The following PLXNC1 variants were observed in gnomAD, a reference collection of about 807,000 sequenced individuals.
PLXNC1 encodes plexin C1.
PLXNC1 carries 75 observed loss-of-function variants against 178.2 expected under a neutral mutation model. That is an observed-to-expected ratio of 0.42 (90% CI 0.35 to 0.51). The LOEUF is 0.51. PLXNC1 is among the 20% of genes least tolerant of loss of function. The probability of loss-of-function intolerance (pLI) is 0.02; values close to 1 mark genes in which losing one functional copy is unlikely to be tolerated. For missense variants in PLXNC1, 1,503 were observed against 1,984.4 expected, an observed-to-expected ratio of 0.76 and a Z score of 4.61; for synonymous variants, 790 against 779.9, an observed-to-expected ratio of 1.01 and a Z score of -0.22.
At chr12:94,219,113 C>T (rs1028399781) in intron 5 of PLXNC1, among the ~76,000 whole-genome samples, 1 of 152,064 alleles carries the variant, frequency 6.6e-6, no homozygotes, top group Non-Finnish European at 1.5e-5. Context: ...ATGAATAATG[C>T]TCAGGAAATG....
chr12:94,246,221 TG>T (rs1964526096), intron 12 of PLXNC1, among the ~76,000 whole-genome samples: 2 of 152,160 alleles, frequency 1.3e-5, no homozygotes, highest in African/African-American at 4.8e-5. Flanking sequence ...CAGCTGAGTT[TG>T]GAGAGGCAGG....
At chr12:94,303,716 CTT>C (rs1362536555) in intron 28 of PLXNC1, 38 bp from the exon 29 acceptor site, 1 of 618,548 alleles carries the variant, frequency 1.6e-6, no homozygotes, top group Non-Finnish European at 2.2e-6. Context: ...TTTTTTTACT[CTT>C]TTGGTGATGG....
intron 23 of PLXNC1, among the ~76,000 whole-genome samples, chr12:94,289,033 G>A (rs1966996947): frequency 6.6e-6 from 1 of 152,002 alleles, no homozygotes; most frequent in East Asian, 1.9e-4. Flanking sequence ...TTGTCAATAG[G>A]TGACCATTTT....
Position 94,258,515 on chromosome 12 carries a change from G to A in PLXNC1, c.3088-822G>A, listed in dbSNP as rs114574505. On this transcript the variant is annotated intron_variant, in intron 17 of 30. Transcript: ENST00000258526. ...TAGAGTCTCATTCTGTGGACTTAAA[G>A]TATTGCTTAACATACTTTTAAAGTT... Among the ~76,000 whole-genome samples, 201 of 152,312 alleles carry A rather than the reference G, an allele frequency of 1.3e-3. 1 individual carries two copies. Among genetic ancestry groups the A allele is most frequent in the African/African-American group, 4.6e-3 (192 of 41,564 alleles).
At chr12:94,225,497 C>CA (rs1203501643) in intron 7 of PLXNC1, among the ~76,000 whole-genome samples, 1 of 151,864 alleles carries the variant, frequency 6.6e-6, no homozygotes, top group African/African-American at 2.4e-5. Context: ...GAAAAAAATA[C>CA]AAAAATTGCT....
At chr12:94,248,145 C>T in intron 13 of PLXNC1, 39 bp downstream of exon 13, 1 of 1,590,198 alleles carries the variant, frequency 6.3e-7, no homozygotes, top group Non-Finnish European at 8.6e-7. Flanking sequence ...GTCACCCCGA[C>T]CCCTTGACTG....
chr12:94,184,854 C>A (rs190525358), intron 3 of PLXNC1, among the ~76,000 whole-genome samples: 1 of 152,150 alleles, frequency 6.6e-6, no homozygotes, highest in African/African-American at 2.4e-5. Context: ...CTTACTATAC[C>A]CCTCCTGGAA....
At chr12:94,193,849 A>T (rs1482301922) in intron 4 of PLXNC1, among the ~76,000 whole-genome samples, 1 of 152,196 alleles carries the variant, frequency 6.6e-6, no homozygotes, top group Non-Finnish European at 1.5e-5. Flanking sequence ...TTTGGGCTGC[A>T]TGGGAAACGC....
chr12:94,188,323 C>CT (rs141025919), intron 4 of PLXNC1, among the ~76,000 whole-genome samples: 63,379 of 127,672 alleles, frequency 0.5, 17,392 homozygotes, highest in East Asian at 0.88. Flanking sequence ...TCTTTTTGTC[C>CT]TTTTTTTTTT....
At chr12:94,290,625 C>A (rs1300692669) in intron 23 of PLXNC1, among the ~76,000 whole-genome samples, 1 of 152,244 alleles carries the variant, frequency 6.6e-6, no homozygotes, top group Non-Finnish European at 1.5e-5. Flanking sequence ...AGGGCTGGCT[C>A]TTGCTCTGTG....
At chr12:94,249,111 G>A (rs985531831) in intron 14 of PLXNC1, among the ~76,000 whole-genome samples, 3 of 152,100 alleles carry the variant, frequency 2.0e-5, no homozygotes, top group African/African-American at 7.2e-5. Flanking sequence ...AGACTGGAAG[G>A]CAACAACAAA....
chr12:94,179,117 C>T lies in PLXNC1; in HGVS notation c.1204-2329C>T, dbSNP rs139409943. Among the ~76,000 whole-genome samples, 32 of 152,270 alleles carry T rather than the reference C, an allele frequency of 2.1e-4. 1 individual carries two copies. The East Asian group carries it at 5.2e-3, about 25-fold the overall frequency. On this transcript the variant is annotated intron_variant, in intron 2 of 30. Transcript: ENST00000258526. ...AGGTCCTGGAAAGGAGAAGTGAATG[C>T]GGGAAGTTGCTCTGTGCAAAATTGA...
At chr12:94,269,346 T>G (rs1965437424) in intron 21 of PLXNC1, among the ~76,000 whole-genome samples, 1 of 152,210 alleles carries the variant, frequency 6.6e-6, no homozygotes, top group Non-Finnish European at 1.5e-5. Flanking sequence ...GCAGAAATAT[T>G]AATGCCTCCA....
chr12:94,264,188 C>T (rs1437663317), intron 20 of PLXNC1, among the ~76,000 whole-genome samples: 1 of 152,106 alleles, frequency 6.6e-6, no homozygotes, highest in Non-Finnish European at 1.5e-5. Flanking sequence ...GGCTAAGTGC[C>T]TTGGGAGGAT....
At chr12:94,176,062 A>G (rs1962038347) in intron 2 of PLXNC1, among the ~76,000 whole-genome samples, 1 of 152,236 alleles carries the variant, frequency 6.6e-6, no homozygotes, top group Admixed American at 6.5e-5. Context: ...TTAAGGTCGT[A>G]TCCTGGAAGA....
intron 1 of PLXNC1, among the ~76,000 whole-genome samples, chr12:94,163,872 A>G (rs367862300): frequency 2.6e-4 from 40 of 152,220 alleles, no homozygotes; most frequent in Non-Finnish European, 4.9e-4. Flanking sequence ...GAGCCTTCCT[A>G]GCTAATAAAA....
In PLXNC1 at chr12:94,279,520, GTCTGT is replaced by G; in HGVS notation, c.3647_3651del (p.Val1216AlafsTer11). On this transcript the variant is annotated frameshift_variant, in exon 22 of 31. Transcript: ENST00000258526. LOFTEE classifies it high-confidence loss of function. Reference sequence around the variant, plus strand: ...AATCCCGGAAAACGAGAGTGCAGATGTCTGTCGGAATATTTCAGTCAATGTTCTCG... The same window carrying G: ...AATCCCGGAAAACGAGAGTGCAGATGCGGAATATTTCAGTCAATGTTCTCG... The G allele has an allele frequency of 6.2e-7, 1 of 1,614,204 alleles. No homozygotes were observed. The highest frequency in any genetic ancestry group is 8.5e-7 in the Non-Finnish European group (1 of 1,180,008).
chr12:94,173,755 A>C (rs1392415672), intron 2 of PLXNC1, among the ~76,000 whole-genome samples: 2 of 152,192 alleles, frequency 1.3e-5, no homozygotes, highest in East Asian at 3.8e-4. Context: ...CTGGGGTATA[A>C]GGGTTGATAC....
chr12:94,287,980 T>C (rs1191030127), intron 23 of PLXNC1, among the ~76,000 whole-genome samples: 1 of 152,214 alleles, frequency 6.6e-6, no homozygotes, highest in Non-Finnish European at 1.5e-5. Flanking sequence ...ACAGAGTTCC[T>C]TCACTGATGC....
Sources: allele counts gnomAD v4.1 joint callset (sites outside exome capture counted in the v4.1 genomes callset), GRCh38; gene constraint gnomAD v4.1.1; transcripts MANE v1.5; gene names NCBI Gene and HGNC (gene_info 2026-07-23, HGNC 2026-07-21).